The following ATP2C2 variants were observed in gnomAD, a reference collection of about 807,000 sequenced individuals.
The protein encoded by ATP2C2 is calcium-transporting ATPase type 2C member 2.
A neutral mutation model predicts 110.8 loss-of-function variants in ATP2C2; 171 were observed. That is an observed-to-expected ratio of 1.54 (90% CI 1.36 to 1.75). The LOEUF is 1.75. Among genes scored for constraint, ATP2C2 ranks in the 40% most tolerant of loss-of-function variants. The probability of loss-of-function intolerance (pLI) is 0.00; values close to 1 mark genes in which losing one functional copy is unlikely to be tolerated. For synonymous variants in ATP2C2, 804 were observed against 508.4 expected (o/e 1.58, Z -7.82); for missense variants, 1,963 against 1,235.0 (o/e 1.59, Z -8.84).
chr16:84,439,009 G>A, intron 11 of ATP2C2, 157 bp from the exon 12 acceptor site: 1 of 1,103,638 alleles, frequency 9.1e-7, no homozygotes, highest in Non-Finnish European at 1.3e-6. Flanking sequence ...GCTGCAGAAG[G>A]AGGCAGGTGC....
rs578237794 is a variant in ATP2C2, at chr16:84,407,006, T to C, written c.328-1399T>C. Among the ~76,000 whole-genome samples, 31 of 152,304 alleles carry C rather than the reference T, an allele frequency of 2.0e-4. 1 individual carries two copies. The highest frequency in any genetic ancestry group is 7.2e-4 in the African/African-American group (30 of 41,570). On this transcript the variant is annotated intron_variant, in intron 3 of 26. Coordinates refer to ENST00000262429, the MANE Select transcript of ATP2C2 (RefSeq NM_014861.4). The stretch of plus-strand genomic sequence containing the variant: ...GCAGAGGACCTGCTCATTCATCTTA[T>C]AGCTTGTCGGTTCAGCAATGCATCT...
chr16:84,372,294 G>C (rs1567680241), intron 1 of ATP2C2, among the ~76,000 whole-genome samples: 1 of 152,176 alleles, frequency 6.6e-6, no homozygotes, highest in Admixed American at 6.5e-5. Context: ...TCAGTTACTG[G>C]AAAAGAGTAT....
At chr16:84,452,391 C>G (rs1033276956) in intron 18 of ATP2C2, among the ~76,000 whole-genome samples, 1 of 152,134 alleles carries the variant, frequency 6.6e-6, no homozygotes, top group Non-Finnish European at 1.5e-5. Context: ...TGTACAGTTT[C>G]AGTCTGCCTT....
At chr16:84,423,376 G>C (rs1046355712) in intron 10 of ATP2C2, 113 bp downstream of exon 10, 1 of 1,011,228 alleles carries the variant, frequency 9.9e-7, no homozygotes, top group African/African-American at 1.6e-5. Flanking sequence ...CATAAGGCTT[G>C]GGGATTGGGA....
At position 84,425,902 on chromosome 16, in the gene ATP2C2, G is replaced by A. The variant is rs540541619; in HGVS notation, c.986+101G>A. 11 of 1,437,086 alleles carry A rather than the reference G, an allele frequency of 7.7e-6. No homozygotes were observed. The South Asian group carries it at 1.1e-4, about 15-fold the overall frequency. 89.0% of individuals were successfully genotyped at this position (1,437,086 alleles called of 1,614,324 possible). On this transcript the variant is annotated intron_variant, in intron 11 of 26. Transcript: ENST00000262429. Reference sequence around the variant, plus strand: ...GGTGGGGAGGCTGCAGAATAGGAAGGGTTGGGAAGGTGCAGCCCCGTCACC... The same window carrying A: ...GGTGGGGAGGCTGCAGAATAGGAAGAGTTGGGAAGGTGCAGCCCCGTCACC...
At chr16:84,424,040 C>G (rs11641662) in intron 10 of ATP2C2, among the ~76,000 whole-genome samples, 1 of 152,162 alleles carries the variant, frequency 6.6e-6, no homozygotes, top group East Asian at 1.9e-4. Flanking sequence ...CAACCCATGC[C>G]TGGCCCCTAA....
At chr16:84,373,552 C>T (rs968213472) in intron 1 of ATP2C2, among the ~76,000 whole-genome samples, 7 of 152,150 alleles carry the variant, frequency 4.6e-5, no homozygotes, top group Non-Finnish European at 1.0e-4. Context: ...TTTTGAATCT[C>T]ATTTTGAAAT....
chr16:84,415,514 G>C lies in ATP2C2; in HGVS notation c.547G>C (p.Ala183Pro), dbSNP rs780481460. The stretch of plus-strand genomic sequence containing the variant: ...AGAAGGAAAACTCCAGCACCTGCTT[G>C]CTCGAGAACTGGTTCCTGGTGATGT... ...LREGKLQHLLARELVPGDVVS... is the reference protein window; with the variant it reads ...LREGKLQHLLPRELVPGDVVS... Residue 183 changes from alanine (A) to proline (P), a missense_variant, in exon 7 of 27, where the codon GCT becomes CCT. Physicochemically the swap from Ala to Pro is conservative, Grantham distance 27. Coordinates refer to ENST00000262429, the MANE Select transcript of ATP2C2 (RefSeq NM_014861.4). 6.2e-7 allele frequency: 1 copy of C among 1,614,128 alleles called. No individual in the cohort carries two copies. Among genetic ancestry groups the C allele is most frequent in the South Asian group, 1.1e-5 (1 of 91,066 alleles).
In ATP2C2 at chr16:84,459,327, C is replaced by A; in HGVS notation, c.2274C>A (p.Pro758=). ...CCACCGTGTTCAACCTGCCCAGCCC[C>A]CTCAACGCCATGCAGATCCTATGGA... ...TLSTVFNLPS[P]LNAMQILWIN... The change falls in exon 23 of 27, where the codon CCC becomes CCA. Residue 758 remains proline (P), a synonymous_variant. Coordinates refer to ENST00000262429, the MANE Select transcript of ATP2C2 (RefSeq NM_014861.4). The A allele has an allele frequency of 1.9e-6, 3 of 1,614,218 alleles. No homozygotes were observed. Among genetic ancestry groups the A allele is most frequent in the Non-Finnish European group, 2.5e-6 (3 of 1,180,042 alleles).
intron 1 of ATP2C2, among the ~76,000 whole-genome samples, chr16:84,391,113 C>CAAAAAAAAAAAAA (rs567509863): frequency 1.4e-5 from 1 of 73,268 alleles, no homozygotes; most frequent in Non-Finnish European, 2.4e-5. Flanking sequence ...GACTCAGACT[C>CAAAAAAAAAAAAA]AAAAAAAAAA....
intron 3 of ATP2C2, 23 bp from the exon 4 acceptor site, chr16:84,408,382 C>T: frequency 3.7e-6 from 6 of 1,607,876 alleles, no homozygotes; most frequent in Non-Finnish European, 5.1e-6. Flanking sequence ...AGAACGTGCC[C>T]CACCCTGTTA....
chr16:84,383,553 A>G (rs1910710971), intron 1 of ATP2C2, among the ~76,000 whole-genome samples: 1 of 152,198 alleles, frequency 6.6e-6, no homozygotes, highest in Non-Finnish European at 1.5e-5. Flanking sequence ...ATTGTCTGGA[A>G]ATAATTTCAA....
At chr16:84,436,937 T>C (rs1908797345) in intron 11 of ATP2C2, among the ~76,000 whole-genome samples, 1 of 151,796 alleles carries the variant, frequency 6.6e-6, no homozygotes, top group Non-Finnish European at 1.5e-5. Context: ...TAATTTTGTA[T>C]TTTTAGGAGA....
chr16:84,422,629 G>T lies in ATP2C2; in HGVS notation c.775G>T (p.Gly259Trp), dbSNP rs762952766. The change falls in exon 9 of 27, where the codon GGG (glycine) becomes TGG (tryptophan). Residue 259 changes from glycine (G) to tryptophan (W), a missense_variant and splice_region_variant. By Grantham distance (184) the Gly-to-Trp change is radical (BLOSUM62 -2). Coordinates refer to ENST00000262429, the MANE Select transcript of ATP2C2 (RefSeq NM_014861.4). ...ATACTTCTCTCTCTCCTGGACACAG[G>T]GGGTCGTGATTGGAACAGGGGAAAG... The part of the protein sequence containing the change: ...GTLVQYGRGQ[G>W]VVIGTGESSQ... 6.8e-6 allele frequency: 11 copies of T among 1,612,962 alleles called. No individual in the cohort carries two copies. The highest frequency in any genetic ancestry group is 2.7e-5 in the African/African-American group (2 of 74,814).
At chr16:84,444,221 G>A (rs926490888) in intron 15 of ATP2C2, among the ~76,000 whole-genome samples, 7 of 146,482 alleles carry the variant, frequency 4.8e-5, no homozygotes, top group Admixed American at 2.7e-4. Context: ...ACCTGTAATC[G>A]CAACACTTTG....
chr16:84,415,101 C>T (rs547982850), intron 6 of ATP2C2, among the ~76,000 whole-genome samples: 6 of 152,196 alleles, frequency 3.9e-5, no homozygotes, highest in South Asian at 2.1e-4. Context: ...CTCTGCCATC[C>T]CTGACTTCCT....
intron 11 of ATP2C2, among the ~76,000 whole-genome samples, chr16:84,436,492 G>A (rs1291019228): frequency 2.0e-5 from 3 of 152,202 alleles, no homozygotes; most frequent in African/African-American, 7.2e-5. Flanking sequence ...TGGGTTGCAG[G>A]TGTGGTGAGA....
intron 1 of ATP2C2, among the ~76,000 whole-genome samples, chr16:84,371,100 A>G (rs973270077): frequency 6.6e-6 from 1 of 152,208 alleles, no homozygotes; most frequent in Non-Finnish European, 1.5e-5. Flanking sequence ...CAGTGGTCTC[A>G]GGTGCACTGG....
At chr16:84,434,079 T>C (rs988858751) in intron 11 of ATP2C2, among the ~76,000 whole-genome samples, 3 of 152,156 alleles carry the variant, frequency 2.0e-5, no homozygotes, top group African/African-American at 4.8e-5. Flanking sequence ...CCAAAATAAG[T>C]AAAATGAGAG....
Sources: allele counts gnomAD v4.1 joint callset (sites outside exome capture counted in the v4.1 genomes callset), GRCh38; gene constraint gnomAD v4.1.1; transcripts MANE v1.5; gene names NCBI Gene and HGNC (gene_info 2026-07-23, HGNC 2026-07-21).